SHISA9: variants seen among roughly 807,000 people sequenced by gnomAD.
SHISA9 encodes protein shisa-9.
SHISA9 carries 13 observed loss-of-function variants against 38.0 expected under a neutral mutation model. The ratio of observed to expected loss-of-function variants is 0.34; its 90% confidence interval spans 0.22 to 0.54. The LOEUF is 0.54. Ranked by LOEUF, SHISA9 falls within the 20% of genes least tolerant of loss-of-function variation. The probability of loss-of-function intolerance (pLI) is 0.91; values close to 1 mark genes in which losing one functional copy is unlikely to be tolerated. For synonymous variants in SHISA9, 275 were observed against 242.0 expected, an observed-to-expected ratio of 1.14 and a Z score of -1.27; for missense variants, 538 against 575.8, an observed-to-expected ratio of 0.93 and a Z score of 0.67.
chr16:13,462,233 C>A, the SHISA9 span, among the ~76,000 whole-genome samples: 36 of 151,638 alleles, frequency 2.4e-4, no homozygotes, highest in Admixed American at 2.3e-3. Context: ...TGGTGAGACC[C>A]CTACCTCTAC....
the SHISA9 span, among the ~76,000 whole-genome samples, chr16:13,314,156 A>G: frequency 6.6e-6 from 1 of 151,920 alleles, no homozygotes; most frequent in African/African-American, 2.4e-5. Context: ...TTCTAAAGCA[A>G]TTCATTATGC....
At chr16:13,388,269 A>G in the SHISA9 span, among the ~76,000 whole-genome samples, 1 of 151,970 alleles carries the variant, frequency 6.6e-6, no homozygotes, top group South Asian at 2.1e-4. Flanking sequence ...AAACTCTCAG[A>G]AGGGGGAAAT....
intron 2 of SHISA9, among the ~76,000 whole-genome samples, chr16:13,049,156 ATGTGTGTGTGTGTGTGTGTG>A (rs10526925): frequency 3.3e-4 from 21 of 63,984 alleles, no homozygotes; most frequent in African/African-American, 8.7e-4. Flanking sequence ...GGTTAGGAGT[ATGTGTGTGTGTGTGTGTGTG>A]TGTGTGTGTG....
At chr16:13,288,687 G>T in the SHISA9 span, among the ~76,000 whole-genome samples, 233 of 152,208 alleles carry the variant, frequency 1.5e-3, 1 homozygote, top group African/African-American at 5.4e-3. Flanking sequence ...CCAGCTGCCT[G>T]GGAGGGTGAG....
At chr16:12,921,437 C>T (rs922663212) in intron 2 of SHISA9, among the ~76,000 whole-genome samples, 3 of 152,140 alleles carry the variant, frequency 2.0e-5, no homozygotes, top group Admixed American at 6.5e-5. Flanking sequence ...GGATGTCCTA[C>T]ACTTAACTTT....
the SHISA9 span, among the ~76,000 whole-genome samples, chr16:13,267,173 C>A: frequency 3.9e-5 from 6 of 151,970 alleles, no homozygotes; most frequent in African/African-American, 1.5e-4. Context: ...CCAAGACTTG[C>A]TAATTTTAAC....
At chr16:13,140,076 T>A (rs1477720887) in intron 2 of SHISA9, among the ~76,000 whole-genome samples, 3 of 91,140 alleles carry the variant, frequency 3.3e-5, no homozygotes, top group Non-Finnish European at 4.4e-5. Flanking sequence ...CTCTTCTCCT[T>A]TCCTCTTCTC....
the SHISA9 span, among the ~76,000 whole-genome samples, chr16:13,499,076 T>C: frequency 1.3e-3 from 191 of 152,332 alleles, no homozygotes; most frequent in African/African-American, 4.4e-3. Context: ...TGGATAAATC[T>C]GTACACTTCT....
At chr16:13,520,554 G>A in the SHISA9 span, among the ~76,000 whole-genome samples, 1 of 134,846 alleles carries the variant, frequency 7.4e-6, no homozygotes, top group African/African-American at 2.8e-5. Flanking sequence ...AGTGAGCTGA[G>A]ATGGCGCCAT....
chr16:13,120,139 G>C (rs1433750201), intron 2 of SHISA9, among the ~76,000 whole-genome samples: 1 of 152,192 alleles, frequency 6.6e-6, no homozygotes, highest in Non-Finnish European at 1.5e-5. Context: ...AGTAGCACTG[G>C]AAGTGGATTA....
At chr16:13,291,277 C>T in the SHISA9 span, among the ~76,000 whole-genome samples, 1 of 152,124 alleles carries the variant, frequency 6.6e-6, no homozygotes, top group African/African-American at 2.4e-5. Flanking sequence ...TTGATCAAAG[C>T]CAGTTACTGA....
chr16:13,026,366 C>T (rs1394828602), intron 2 of SHISA9, among the ~76,000 whole-genome samples: 2 of 152,200 alleles, frequency 1.3e-5, no homozygotes, highest in Non-Finnish European at 2.9e-5. Flanking sequence ...AGCATAATGT[C>T]CTCAAGTCTT....
chr16:13,159,655 AC>A (rs2050578608), intron 2 of SHISA9, among the ~76,000 whole-genome samples: 1 of 152,194 alleles, frequency 6.6e-6, no homozygotes, highest in African/African-American at 2.4e-5. Context: ...TTTCAGTTCC[AC>A]CAAAGCCTTC....
rs543081804 is a variant in SHISA9, at chr16:12,985,277, A to G, written c.691+68462A>G. On this transcript the variant is annotated intron_variant, in intron 2 of 4. Coordinates refer to ENST00000558583, the MANE Select transcript of SHISA9 (RefSeq NM_001145204.3). ...AATAAATAAATAAATAAATAAATGG[A>G]AGAGGTGTTGGATGGGAGAGGGTGT... 4.0e-5 allele frequency among the ~76,000 whole-genome samples: 6 copies of G among 151,366 alleles called. No individual in the cohort carries two copies. In the East Asian group the frequency reaches 1.2e-3, roughly 29 times the overall value.
intron 2 of SHISA9, among the ~76,000 whole-genome samples, chr16:12,965,709 T>C (rs555154454): frequency 6.6e-6 from 1 of 152,292 alleles, no homozygotes; most frequent in South Asian, 2.1e-4. Flanking sequence ...CCTTGGTGTT[T>C]TCGAGTTTGA....
At chr16:13,109,896 C>T (rs1191354834) in intron 2 of SHISA9, among the ~76,000 whole-genome samples, 2 of 152,188 alleles carry the variant, frequency 1.3e-5, no homozygotes, top group Non-Finnish European at 2.9e-5. Context: ...CCACTCCATT[C>T]ACACATTGGC....
chr16:13,363,060 C>T, the SHISA9 span, among the ~76,000 whole-genome samples: 11 of 152,296 alleles, frequency 7.2e-5, no homozygotes, highest in Admixed American at 1.3e-4. Context: ...CTAGAAAATG[C>T]TCGACCATGT....
chr16:13,187,627 G>A (rs538809998), intron 2 of SHISA9, among the ~76,000 whole-genome samples: 5 of 152,134 alleles, frequency 3.3e-5, no homozygotes, highest in South Asian at 2.1e-4. Flanking sequence ...GAGCCATTGC[G>A]CCCAGCCCAT....
chr16:13,531,727 G>A, the SHISA9 span, among the ~76,000 whole-genome samples: 2 of 152,252 alleles, frequency 1.3e-5, no homozygotes, highest in Admixed American at 6.5e-5. Context: ...AGTAAGATGC[G>A]TAATCCCACC....
Sources: gnomAD v4.1 joint callset for allele counts (sites outside exome capture counted in the v4.1 genomes callset) on GRCh38, gnomAD v4.1.1 for gene constraint, MANE v1.5 for transcripts, NCBI Gene and HGNC (gene_info 2026-07-23, HGNC 2026-07-21) for gene names.